ITPR1: variants seen among roughly 807,000 people sequenced by gnomAD.
The protein encoded by ITPR1 is inositol 1,4,5-trisphosphate receptor type 1.
Under a neutral mutation model 318.4 loss-of-function variants are expected in ITPR1, and 96 were observed. That is an observed-to-expected ratio of 0.30 (90% confidence interval 0.26 to 0.36). The LOEUF (loss-of-function observed/expected upper bound fraction) is 0.36. Ranked by LOEUF, ITPR1 falls within the 10% of genes least tolerant of loss-of-function variation. The pLI is 1.00. For synonymous variants in ITPR1, 1,312 were observed against 1,289.9 expected (o/e 1.02, Z -0.37); for missense variants, 2,440 against 3,460.2 (o/e 0.71, Z 7.40).
intron 4 of ITPR1, among the ~76,000 whole-genome samples, chr3:4,578,991 G>A (rs2088998465): frequency 6.6e-6 from 1 of 152,106 alleles, no homozygotes; most frequent in South Asian, 2.1e-4. Flanking sequence ...AAATTCCATT[G>A]ACCCATGTGA....
At position 4,557,887 on chromosome 3, in the gene ITPR1, A is replaced by T. The variant is rs570478145; in HGVS notation, c.163+36793A>T. Among the ~76,000 whole-genome samples the T allele has an allele frequency of 1.1e-4, 17 of 152,278 alleles. No individual in the cohort carries two copies. The South Asian group carries it at 3.5e-3, about 32-fold the overall frequency. On this transcript the variant is annotated intron_variant, in intron 4 of 61. Transcript: ENST00000649015. ...TATGGTTATTTTAGCGCTCACTATA[A>T]ATTCACTGGTATTCATAAATTTATG...
intron 4 of ITPR1, among the ~76,000 whole-genome samples, chr3:4,624,367 G>A (rs547894054): frequency 2.1e-4 from 32 of 152,214 alleles, no homozygotes; most frequent in African/African-American, 6.5e-4. Context: ...CCAGTTTCCC[G>A]AATTAGATTA....
intron 3 of ITPR1, among the ~76,000 whole-genome samples, chr3:4,519,291 A>G (rs569124726): frequency 6.6e-6 from 1 of 151,972 alleles, no homozygotes; most frequent in Non-Finnish European, 1.5e-5. Context: ...CAGTGGCACG[A>G]TCTTGGCTCA....
intron 40 of ITPR1, among the ~76,000 whole-genome samples, chr3:4,718,754 G>A (rs904365559): frequency 1.3e-5 from 2 of 152,164 alleles, no homozygotes; most frequent in Non-Finnish European, 2.9e-5. Flanking sequence ...AAACAAAAGG[G>A]AGTGCACCAA....
At chr3:4,577,121 A>G (rs9875660) in intron 4 of ITPR1, among the ~76,000 whole-genome samples, 10,223 of 152,272 alleles carry the variant, frequency 0.067, 485 homozygotes, top group Non-Finnish European at 0.1. Flanking sequence ...TATGTGGTAG[A>G]GTTGCATTCC....
chr3:4,630,408 A>G (rs2092976702), intron 5 of ITPR1, among the ~76,000 whole-genome samples: 2 of 152,158 alleles, frequency 1.3e-5, no homozygotes, highest in South Asian at 4.1e-4. Flanking sequence ...CCTAAAGTGT[A>G]AAATCCTGAA....
At chr3:4,596,785 C>T (rs2090862001) in intron 4 of ITPR1, among the ~76,000 whole-genome samples, 1 of 152,210 alleles carries the variant, frequency 6.6e-6, no homozygotes, top group East Asian at 1.9e-4. Flanking sequence ...CCCAACTCCT[C>T]CATGCTCATT....
intron 10 of ITPR1, 35 bp downstream of exon 10, chr3:4,645,763 A>G: frequency 6.3e-7 from 1 of 1,584,770 alleles, no homozygotes; most frequent in African/African-American, 1.4e-5. Context: ...TCCTGGGTTT[A>G]GAGGATATCA....
intron 33 of ITPR1, among the ~76,000 whole-genome samples, chr3:4,694,712 G>C (rs901174761): frequency 3.9e-5 from 6 of 152,192 alleles, no homozygotes; most frequent in Non-Finnish European, 8.8e-5. Context: ...CATGGAAAAG[G>C]TCCAGTAAAA....
At chr3:4,555,293 G>C (rs1575516854) in intron 4 of ITPR1, among the ~76,000 whole-genome samples, 1 of 152,144 alleles carries the variant, frequency 6.6e-6, no homozygotes, top group African/African-American at 2.4e-5. Context: ...GATTGTACAG[G>C]TAGTTATTAC....
At chr3:4,620,895 A>T (rs181129780) in intron 4 of ITPR1, among the ~76,000 whole-genome samples, 30 of 150,476 alleles carry the variant, frequency 2.0e-4, no homozygotes, top group African/African-American at 6.8e-4. Flanking sequence ...CTCCTCTCCA[A>T]CTCCCCATCC....
chr3:4,531,995 T>A (rs1172608890), intron 4 of ITPR1, among the ~76,000 whole-genome samples: 1 of 152,214 alleles, frequency 6.6e-6, no homozygotes, highest in Non-Finnish European at 1.5e-5. Flanking sequence ...TATGTATACC[T>A]CACAGGGTTT....
intron 57 of ITPR1, 114 bp downstream of exon 57, chr3:4,813,348 C>A: frequency 2.9e-6 from 2 of 687,744 alleles, no homozygotes; most frequent in Non-Finnish European, 5.0e-6. Context: ...AAGGCTATAG[C>A]AAAGGGGAAA....
At chr3:4,734,320 C>A (rs2043128344) in intron 43 of ITPR1, among the ~76,000 whole-genome samples, 1 of 152,154 alleles carries the variant, frequency 6.6e-6, no homozygotes, top group Non-Finnish European at 1.5e-5. Flanking sequence ...TTTGGAAATG[C>A]AAGACAGACT....
At chr3:4,788,217 C>T (rs2047328365) in intron 52 of ITPR1, 78 bp downstream of exon 52, 1 of 1,111,586 alleles carries the variant, frequency 9.0e-7, no homozygotes, top group Admixed American at 2.2e-5. Flanking sequence ...ATGGTGCGTT[C>T]ATTTCCAAGC....
chr3:4,748,768 C>T (rs755854112), intron 44 of ITPR1, among the ~76,000 whole-genome samples: 2 of 152,212 alleles, frequency 1.3e-5, no homozygotes, highest in Non-Finnish European at 2.9e-5. Context: ...GTTAAGAGAA[C>T]GCGGTGTTTT....
At chr3:4,683,140 G>C (rs921367951) in intron 26 of ITPR1, among the ~76,000 whole-genome samples, 10 of 152,240 alleles carry the variant, frequency 6.6e-5, no homozygotes, top group African/African-American at 2.2e-4. Flanking sequence ...TCTAATGCTA[G>C]TCTTGTCACT....
chr3:4,710,204 C>A lies in ITPR1; in HGVS notation c.4843-121C>A. 1 of 904,114 alleles carries A rather than the reference C, an allele frequency of 1.1e-6. No individual in the cohort carries two copies. Among genetic ancestry groups the A allele is most frequent in the Non-Finnish European group, 1.5e-6 (1 of 646,842 alleles). The allele number at this position is 904,114 out of a possible 1,614,324, so 56.0% of individuals were successfully genotyped here. On this transcript the variant is annotated intron_variant, in intron 37 of 61. Transcript: ENST00000649015. The surrounding 1 kb of genome is among the most constrained non-coding windows in gnomAD (Gnocchi z 4.2). The stretch of plus-strand genomic sequence containing the variant: ...TAATAATTTGAGATGCCAGACGGTA[C>A]TAAAGTTACTCTAACCTAGCCTACC...
At chr3:4,590,144 T>C (rs1420155543) in intron 4 of ITPR1, among the ~76,000 whole-genome samples, 1 of 148,878 alleles carries the variant, frequency 6.7e-6, no homozygotes, top group African/African-American at 2.5e-5. Flanking sequence ...CTCTAGCTGC[T>C]TCCCCCCTTT....
Sources: gnomAD v4.1 joint callset for allele counts (sites outside exome capture counted in the v4.1 genomes callset) on GRCh38, gnomAD v4.1.1 for gene constraint, Gnocchi (gnomAD v3.1) non-coding constraint, MANE v1.5 for transcripts, NCBI Gene and HGNC (gene_info 2026-07-23, HGNC 2026-07-21) for gene names.